Variants in IQCH observed in about 807,000 individuals in gnomAD.
IQCH encodes IQ domain-containing protein H.
In IQCH, 98 loss-of-function variants were observed where a neutral mutation model predicts 117.0. That is an observed-to-expected ratio of 0.84 (90% CI 0.71 to 0.99). IQCH has a LOEUF of 0.99. Ranked by LOEUF, IQCH falls within the 50% of genes least tolerant of loss-of-function variation. IQCH has a pLI of 0.00. For synonymous variants in IQCH, 412 were observed against 448.2 expected (o/e 0.92, Z 1.02); for missense variants, 1,102 against 1,243.8 (o/e 0.89, Z 1.72).
At chr15:67,499,990 A>T (rs2083936379) in intron 20 of IQCH, among the ~76,000 whole-genome samples, 1 of 152,176 alleles carries the variant, frequency 6.6e-6, no homozygotes, top group Non-Finnish European at 1.5e-5. Context: ...GTGACAGCTA[A>T]TGGGGACAGA....
At position 67,489,968 on chromosome 15, in the gene IQCH, A is replaced by G; in HGVS notation, c.2800-35A>G. 2.9e-6 allele frequency: 4 copies of G among 1,381,738 alleles called. No individual in the cohort carries two copies. In the Middle Eastern group the frequency reaches 7.2e-4, roughly 247 times the overall value. 85.6% of individuals were successfully genotyped at this position (1,381,738 alleles called of 1,614,324 possible). A position where few individuals can be genotyped will look rare whatever the true frequency, so the allele number is the denominator to read the frequency against. On this transcript the variant is annotated intron_variant, in intron 18 of 20. Coordinates refer to ENST00000335894, the MANE Select transcript of IQCH (RefSeq NM_001031715.3). ...TTCTGTACTTTGTTTCTGAGATAATATACTATTTCTTTTCTCCCCATTCAA... is the reference window on the plus strand; with the variant it reads ...TTCTGTACTTTGTTTCTGAGATAATGTACTATTTCTTTTCTCCCCATTCAA...
At chr15:67,374,779 A>G (rs1426421235) in intron 10 of IQCH, among the ~76,000 whole-genome samples, 1 of 152,194 alleles carries the variant, frequency 6.6e-6, no homozygotes, top group Non-Finnish European at 1.5e-5. Context: ...ACACACAGAA[A>G]TTGCACTTGT....
chr15:67,329,094 T>C (rs1968542020), intron 4 of IQCH, among the ~76,000 whole-genome samples: 1 of 151,602 alleles, frequency 6.6e-6, no homozygotes, highest in African/African-American at 2.4e-5. Flanking sequence ...AGCCTAGGAG[T>C]TTAAGACTAG....
rs1555481906 is a variant in IQCH, at chr15:67,400,498, T to TTTTTTTTTTTTC, written c.2097+197_2097+198insTTTTTTTCTTTT. On this transcript the variant is annotated intron_variant, in intron 14 of 20. Transcript: ENST00000335894. ...GACTGAGTTCTTTTTTTTCTTTTTT[T>TTTTTTTTTTTTC]TTTTGAGATGGGGCCTCACTCTGTT... 2.3e-4 allele frequency among the ~76,000 whole-genome samples: 32 copies of TTTTTTTTTTTTC among 137,354 alleles called. 2 individuals are homozygous for TTTTTTTTTTTTC. Among genetic ancestry groups the TTTTTTTTTTTTC allele is most frequent in the East Asian group, 6.7e-4 (3 of 4,446 alleles). 90.1% of individuals were successfully genotyped at this position (137,354 alleles called of 152,430 possible).
intron 16 of IQCH, among the ~76,000 whole-genome samples, chr15:67,429,661 A>G (rs1267882597): frequency 6.6e-6 from 1 of 152,246 alleles, no homozygotes; most frequent in Non-Finnish European, 1.5e-5. Flanking sequence ...AGGTCTTACA[A>G]TAAGACATGG....
At chr15:67,462,019 G>A (rs2082809394) in intron 16 of IQCH, among the ~76,000 whole-genome samples, 3 of 151,714 alleles carry the variant, frequency 2.0e-5, no homozygotes, top group Admixed American at 6.6e-5. Flanking sequence ...AAATAGAGTT[G>A]GGGTCTCGTT....
At chr15:67,377,474 C>A (rs1342957743) in intron 10 of IQCH, among the ~76,000 whole-genome samples, 1 of 152,070 alleles carries the variant, frequency 6.6e-6, no homozygotes, top group African/African-American at 2.4e-5. Context: ...CCTGAAGAAT[C>A]CTAATTCCTC....
At position 67,475,654 on chromosome 15, in the gene IQCH, T is replaced by C. The variant is rs2083184054; in HGVS notation, c.2677-42T>C. The C allele has an allele frequency of 6.3e-7, 1 of 1,584,224 alleles. No homozygotes were observed. Among genetic ancestry groups the C allele is most frequent in the African/African-American group, 1.4e-5 (1 of 73,670 alleles). On this transcript the variant is annotated intron_variant, in intron 17 of 20. Transcript: ENST00000335894. The surrounding 1 kb of genome is among the most constrained non-coding windows in gnomAD (Gnocchi z 5.7). ...CTCAAGTATTCCAAAATTACAAGTT[T>C]ATTTAAATATCTGTTTAATATTCAG...
At chr15:67,270,599 G>A (rs1489360163) in intron 3 of IQCH, among the ~76,000 whole-genome samples, 1 of 152,136 alleles carries the variant, frequency 6.6e-6, no homozygotes, top group African/African-American at 2.4e-5. Flanking sequence ...GTCTCCATGG[G>A]AACTGGTTGA....
In IQCH at chr15:67,401,749, T is replaced by C. The variant is rs996906705; in HGVS notation, c.2097+1444T>C. Among the ~76,000 whole-genome samples the C allele has an allele frequency of 6.6e-6, 1 of 152,180 alleles. No homozygotes were observed. Among genetic ancestry groups the C allele is most frequent in the African/African-American group, 2.4e-5 (1 of 41,426 alleles). ...CCTGTCATGGCCAGCTTTTTACATA[T>C]TATTTAAAAGACACCAAAATGAATT... On this transcript the variant is annotated intron_variant, in intron 14 of 20. Transcript: ENST00000335894. The surrounding 1 kb of genome is among the most constrained non-coding windows in gnomAD (Gnocchi z 4.7).
rs1258746886 is a variant in IQCH, at chr15:67,463,052, A to G, written c.2506-2075A>G. 6.6e-6 allele frequency among the ~76,000 whole-genome samples: 1 copy of G among 152,072 alleles called. No individual in the cohort carries two copies. The highest frequency in any genetic ancestry group is 1.5e-5 in the Non-Finnish European group (1 of 68,018). On this transcript the variant is annotated intron_variant, in intron 16 of 20. Transcript: ENST00000335894. This position sits in a 1 kb window ranked among gnomAD's most constrained non-coding sequence, Gnocchi z 4.0. Reference sequence around the variant, plus strand: ...TTTAGCAAGGGGCCTTGACAGCTTGACCTCTTAATATCCTTATAATGACGC... The same window carrying G: ...TTTAGCAAGGGGCCTTGACAGCTTGGCCTCTTAATATCCTTATAATGACGC...
At position 67,388,561 on chromosome 15, in the gene IQCH, A is replaced by G. The variant is rs1247376583; in HGVS notation, c.1457-270A>G. On this transcript the variant is annotated intron_variant, in intron 11 of 20. Transcript: ENST00000335894. This position sits in a 1 kb window ranked among gnomAD's most constrained non-coding sequence, Gnocchi z 5.5. The stretch of plus-strand genomic sequence containing the variant: ...ATCCCTATGTATTATTTGAAAGTAC[A>G]TTTCCAAGGTATCTCACAGCCCTCC... Among the ~76,000 whole-genome samples the G allele has an allele frequency of 6.6e-6, 1 of 152,174 alleles. No homozygotes were observed. The highest frequency in any genetic ancestry group is 2.4e-5 in the African/African-American group (1 of 41,446).
At position 67,465,829 on chromosome 15, in the gene IQCH, T is replaced by TC. The variant is rs2082917707; in HGVS notation, c.2676+532_2676+533insC. On this transcript the variant is annotated intron_variant, in intron 17 of 20. Transcript: ENST00000335894. This position sits in a 1 kb window ranked among gnomAD's most constrained non-coding sequence, Gnocchi z 5.9. ...GGCGTGTTGAGTCTAGCTACGAAAA[T>TC]GCCACTAACCTGACCCCTCCTCTCT... Among the ~76,000 whole-genome samples the TC allele has an allele frequency of 6.6e-6, 1 of 152,092 alleles. No individual in the cohort carries two copies. Among genetic ancestry groups the TC allele is most frequent in the East Asian group, 1.9e-4 (1 of 5,180 alleles).
At chr15:67,429,019 C>T (rs1306732746) in intron 16 of IQCH, among the ~76,000 whole-genome samples, 1 of 152,112 alleles carries the variant, frequency 6.6e-6, no homozygotes, top group Non-Finnish European at 1.5e-5. Flanking sequence ...AACAGATTCT[C>T]CTCTAGAGTC....
rs1745188197 is a variant in IQCH, at chr15:67,366,607, T to C, written c.754-5504T>C. Reference sequence around the variant, plus strand: ...GATCTGAGTGGCCTTTACGCTCAAGTCTCTTCTTTTATATATCTCTGCTCG... The same window carrying C: ...GATCTGAGTGGCCTTTACGCTCAAGCCTCTTCTTTTATATATCTCTGCTCG... On this transcript the variant is annotated intron_variant, in intron 8 of 20. Transcript: ENST00000335894. The surrounding 1 kb of genome is among the most constrained non-coding windows in gnomAD (Gnocchi z 4.4). Among the ~76,000 whole-genome samples, 1 of 152,200 alleles carries C rather than the reference T, an allele frequency of 6.6e-6. No individual in the cohort carries two copies. Among genetic ancestry groups the C allele is most frequent in the Non-Finnish European group, 1.5e-5 (1 of 68,046 alleles).
intron 14 of IQCH, among the ~76,000 whole-genome samples, chr15:67,410,064 G>A (rs1450185837): frequency 6.6e-6 from 1 of 152,112 alleles, no homozygotes; most frequent in African/African-American, 2.4e-5. Context: ...AGGAATGAGT[G>A]GAAACTCCAC....
At position 67,388,279 on chromosome 15, in the gene IQCH, A is replaced by T. The variant is rs1200089580; in HGVS notation, c.1457-552A>T. On this transcript the variant is annotated intron_variant, in intron 11 of 20. Coordinates refer to ENST00000335894, the MANE Select transcript of IQCH (RefSeq NM_001031715.3). This position sits in a 1 kb window ranked among gnomAD's most constrained non-coding sequence, Gnocchi z 5.5. ...AATCACTAGACCTGCTATTTAAGTA[A>T]TGTACTCCTCTTTGGGAATCAAGCA... is the stretch of plus-strand genomic sequence containing the variant. 6.6e-6 allele frequency among the ~76,000 whole-genome samples: 1 copy of T among 152,174 alleles called. No individual in the cohort carries two copies. Among genetic ancestry groups the T allele is most frequent in the Non-Finnish European group, 1.5e-5 (1 of 68,034 alleles).
chr15:67,423,519 C>A (rs1324767809), intron 16 of IQCH, among the ~76,000 whole-genome samples: 1 of 151,574 alleles, frequency 6.6e-6, no homozygotes, highest in Non-Finnish European at 1.5e-5. Context: ...CAACCTCCCA[C>A]CTCCTCTGCA....
intron 4 of IQCH, chr15:67,307,184 G>A (rs371542153): frequency 2.1e-6 from 2 of 941,246 alleles, no homozygotes; most frequent in Non-Finnish European, 1.3e-6. Context: ...CAGTTCTTTG[G>A]TTCTACTTTC....
Sources: allele counts gnomAD v4.1 joint callset (sites outside exome capture counted in the v4.1 genomes callset), GRCh38; gene constraint gnomAD v4.1.1; non-coding constraint Gnocchi (gnomAD v3.1); transcripts MANE v1.5; gene names NCBI Gene and HGNC (gene_info 2026-07-23, HGNC 2026-07-21).